PRKN: variants seen among roughly 807,000 people sequenced by gnomAD.
The protein encoded by PRKN is E3 ubiquitin-protein ligase parkin.
Under a neutral mutation model 59.5 loss-of-function variants are expected in PRKN, and 56 were observed. The ratio of observed to expected loss-of-function variants is 0.94; its 90% confidence interval spans 0.76 to 1.18. PRKN has a LOEUF of 1.18. Ranked by LOEUF, PRKN falls within the 50% of genes most tolerant of loss-of-function variation. The pLI is 0.00. For missense variants in PRKN, 657 were observed against 596.4 expected, an observed-to-expected ratio of 1.10 and a Z score of -1.06; for synonymous variants, 250 against 222.1, an observed-to-expected ratio of 1.13 and a Z score of -1.12.
intron 2 of PRKN, among the ~76,000 whole-genome samples, chr6:162,393,152 A>ATTTTTTTTTTTTTTTTTTT (rs1369959830): frequency 3.7e-4 from 29 of 78,080 alleles, no homozygotes; most frequent in African/African-American, 5.7e-4. Flanking sequence ...AGGATAGGAG[A>ATTTTTTTTTTTTTTTTTTT]TTCTTTTTTT....
At chr6:162,339,577 G>A (rs1484519769) in intron 2 of PRKN, among the ~76,000 whole-genome samples, 35 of 146,750 alleles carry the variant, frequency 2.4e-4, no homozygotes, top group South Asian at 6.7e-4. Flanking sequence ...GCCTCTGCCC[G>A]GCCGCCCCTA....
intron 2 of PRKN, among the ~76,000 whole-genome samples, chr6:162,352,569 C>T (rs144403589): frequency 2.1e-4 from 32 of 152,220 alleles, no homozygotes; most frequent in Non-Finnish European, 4.0e-4. Flanking sequence ...AGGAGAGAGA[C>T]TTTCAGTAAC....
chr6:162,554,403 G>C (rs990890622), intron 1 of PRKN, among the ~76,000 whole-genome samples: 3 of 152,176 alleles, frequency 2.0e-5, no homozygotes, highest in African/African-American at 7.2e-5. Flanking sequence ...TTGGGAGGCT[G>C]AGGCAGGAGA....
At chr6:162,450,260 GCCCCTA>G (rs1790525198) in intron 1 of PRKN, among the ~76,000 whole-genome samples, 1 of 150,056 alleles carries the variant, frequency 6.7e-6, no homozygotes, top group African/African-American at 2.5e-5. Context: ...GAATGTAAAC[GCCCCTA>G]TGACTGTAAA....
intron 7 of PRKN, among the ~76,000 whole-genome samples, chr6:161,608,056 C>A (rs1318785302): frequency 6.6e-6 from 1 of 152,134 alleles, no homozygotes; most frequent in Non-Finnish European, 1.5e-5. Context: ...AGAGAAAAAT[C>A]AGTGCAGAAT....
chr6:162,548,007 A>T (rs1583775967), intron 1 of PRKN, among the ~76,000 whole-genome samples: 1 of 151,394 alleles, frequency 6.6e-6, no homozygotes, highest in African/African-American at 2.4e-5. Context: ...GACACCATTA[A>T]CCTCCCTCCT....
At chr6:162,321,161 A>C (rs939734866) in intron 2 of PRKN, among the ~76,000 whole-genome samples, 1 of 151,900 alleles carries the variant, frequency 6.6e-6, no homozygotes, top group African/African-American at 2.4e-5. Context: ...AAAGGATACA[A>C]ATTACCAATG....
At chr6:161,977,787 T>C (rs1051562776) in intron 5 of PRKN, among the ~76,000 whole-genome samples, 2 of 151,438 alleles carry the variant, frequency 1.3e-5, no homozygotes, top group African/African-American at 4.8e-5. Flanking sequence ...GACCTCGTGA[T>C]CTGCCCACCT....
At chr6:162,338,113 GAGA>G (rs1003052165) in intron 2 of PRKN, among the ~76,000 whole-genome samples, 3 of 151,916 alleles carry the variant, frequency 2.0e-5, no homozygotes, top group African/African-American at 7.2e-5. Flanking sequence ...GAGACAGAAG[GAGA>G]AGAAGCATTT....
intron 4 of PRKN, among the ~76,000 whole-genome samples, chr6:162,097,681 G>A (rs566078738): frequency 6.6e-6 from 1 of 152,232 alleles, no homozygotes; most frequent in East Asian, 1.9e-4. Flanking sequence ...TAAAAAATGT[G>A]AGCACACAGC....
At chr6:161,684,092 G>C (rs533909015) in intron 7 of PRKN, among the ~76,000 whole-genome samples, 3 of 152,232 alleles carry the variant, frequency 2.0e-5, no homozygotes, top group Admixed American at 6.5e-5. Context: ...TAATTAAAAT[G>C]TTTCTCATTT....
intron 4 of PRKN, among the ~76,000 whole-genome samples, chr6:162,158,575 T>C (rs1782626433): frequency 6.6e-6 from 1 of 151,934 alleles, no homozygotes; most frequent in African/African-American, 2.4e-5. Context: ...GGGACTACAC[T>C]TGTGCACCAG....
At chr6:162,139,124 T>A (rs1781671440) in intron 4 of PRKN, among the ~76,000 whole-genome samples, 1 of 152,186 alleles carries the variant, frequency 6.6e-6, no homozygotes, top group Non-Finnish European at 1.5e-5. Context: ...AAACTCAATT[T>A]GACACAATAC....
chr6:161,944,278 G>A (rs929923448), intron 6 of PRKN, among the ~76,000 whole-genome samples: 1 of 152,160 alleles, frequency 6.6e-6, no homozygotes, highest in African/African-American at 2.4e-5. Flanking sequence ...CTGCAATGGG[G>A]GGCTTAAGGA....
At chr6:161,985,612 T>C (rs1781406612) in intron 5 of PRKN, among the ~76,000 whole-genome samples, 1 of 152,230 alleles carries the variant, frequency 6.6e-6, no homozygotes, top group South Asian at 2.1e-4. Flanking sequence ...ATTTTACATT[T>C]ATTTCTAAAT....
At chr6:162,304,992 C>CT (rs1001241172) in intron 2 of PRKN, among the ~76,000 whole-genome samples, 1 of 152,154 alleles carries the variant, frequency 6.6e-6, no homozygotes, top group African/African-American at 2.4e-5. Context: ...TCACATTCAG[C>CT]TGCTGAGGAC....
intron 2 of PRKN, among the ~76,000 whole-genome samples, chr6:162,412,807 A>G (rs1188846934): frequency 2.0e-5 from 3 of 152,220 alleles, no homozygotes; most frequent in Non-Finnish European, 2.9e-5. Context: ...GTTTTGTATA[A>G]GAAATACAAG....
chr6:161,556,313 AT>A (rs1780236914), intron 8 of PRKN, among the ~76,000 whole-genome samples: 1 of 152,206 alleles, frequency 6.6e-6, no homozygotes, highest in African/African-American at 2.4e-5. Flanking sequence ...AGTACACACA[AT>A]ACCTGAAATA....
intron 2 of PRKN, among the ~76,000 whole-genome samples, chr6:162,300,918 A>T (rs1266211705): frequency 6.6e-6 from 1 of 152,148 alleles, no homozygotes; most frequent in African/African-American, 2.4e-5. Flanking sequence ...AAACACCAAT[A>T]GCAAACTGGA....
Sources: gnomAD v4.1 joint callset for allele counts (sites outside exome capture counted in the v4.1 genomes callset) on GRCh38, gnomAD v4.1.1 for gene constraint, MANE v1.5 for transcripts, NCBI Gene and HGNC (gene_info 2026-07-23, HGNC 2026-07-21) for gene names.